The following CFAP47 variants were observed in gnomAD, a reference collection of about 807,000 sequenced individuals.
CFAP47 encodes cilia and flagella associated protein 47.
CFAP47 carries 29 observed loss-of-function variants against 148.1 expected under a neutral mutation model. The ratio of observed to expected loss-of-function variants is 0.20; its 90% CI spans 0.15 to 0.27. The LOEUF (loss-of-function observed/expected upper bound fraction) is 0.27, where lower values mean the gene tolerates loss of function less well. Among genes scored for constraint, CFAP47 ranks in the 10% least tolerant of loss-of-function variants. CFAP47 has a pLI of 1.00. For missense variants in CFAP47, 1,872 were observed against 1,697.5 expected, an observed-to-expected ratio of 1.10 and a Z score of -1.81; for synonymous variants, 664 against 577.3, an observed-to-expected ratio of 1.15 and a Z score of -2.15.
chrX:36,373,524 T>C (rs1051135277), intron 62 of CFAP47, among the ~76,000 whole-genome samples: 2 of 111,116 alleles, frequency 1.8e-5, no homozygotes, highest in African/African-American at 6.5e-5. Flanking sequence ...CAGATAGGGA[T>C]AGATGATAGT....
At chrX:35,952,655 A>C (rs1034963153) in intron 6 of CFAP47, among the ~76,000 whole-genome samples, 7 of 111,832 alleles carry the variant, frequency 6.3e-5, no homozygotes, top group African/African-American at 2.3e-4. Context: ...TGCCTGTTGA[A>C]GATTGAGCTT....
At chrX:36,340,771 A>G (rs1941645249) in intron 57 of CFAP47, among the ~76,000 whole-genome samples, 1 of 111,155 alleles carries the variant, frequency 9.0e-6, no homozygotes, top group African/African-American at 3.3e-5. Context: ...AACAAATTAC[A>G]GGATGCGACT....
At chrX:36,216,266 A>G (rs1489786594) in intron 45 of CFAP47, among the ~76,000 whole-genome samples, 4 of 112,196 alleles carry the variant, frequency 3.6e-5, no homozygotes, top group Non-Finnish European at 7.5e-5. Context: ...TACTAGTTAC[A>G]TTGTCAGTAG....
At chrX:36,310,225 A>G (rs2146962990) in intron 55 of CFAP47, among the ~76,000 whole-genome samples, 1 of 111,294 alleles carries the variant, frequency 9.0e-6, no homozygotes, top group Non-Finnish European at 1.9e-5. Context: ...TTTCAAACAG[A>G]GCTTTACATG....
At position 36,265,556 on chromosome X, in the gene CFAP47, CTTATTAT is replaced by C. The variant is rs1289432649; in HGVS notation, c.7444+14115_7444+14121del. The stretch of plus-strand genomic sequence containing the variant: ...GGCTATAGATTTGTTGTACATGGTT[CTTATTAT>C]TTTGAGGTTTGTTCCTTCGGTAAGT... On this transcript the variant is annotated intron_variant, in intron 49 of 63. Coordinates refer to ENST00000378653, the MANE Select transcript of CFAP47 (RefSeq NM_001304548.2). Among the ~76,000 whole-genome samples, 223 of 111,454 alleles carry C rather than the reference CTTATTAT, an allele frequency of 2.0e-3. 1 individual carries two copies. Among genetic ancestry groups the C allele is most frequent in the African/African-American group, 6.6e-3 (202 of 30,632 alleles).
intron 7 of CFAP47, 120 bp downstream of exon 7, chrX:35,953,839 G>A: frequency 6.0e-6 from 3 of 499,723 alleles, no homozygotes; most frequent in Non-Finnish European, 9.0e-6. Flanking sequence ...AGAAAAAAAA[G>A]CAAACATGTT....
At chrX:36,170,696 T>C (rs1939560408) in intron 39 of CFAP47, among the ~76,000 whole-genome samples, 1 of 107,761 alleles carries the variant, frequency 9.3e-6, no homozygotes, top group African/African-American at 3.4e-5. Context: ...CAGTCTATCA[T>C]TGTTGGACAT....
chrX:35,925,990 A>G, intron 1 of CFAP47, 27 bp from the exon 2 acceptor site: 1 of 1,165,582 alleles, frequency 8.6e-7, no homozygotes, highest in Non-Finnish European at 1.2e-6. Flanking sequence ...TAAAATGTAT[A>G]ATTTGACTCT....
intron 27 of CFAP47, among the ~76,000 whole-genome samples, chrX:36,070,468 G>A (rs979463997): frequency 9.3e-6 from 1 of 107,919 alleles, no homozygotes; most frequent in Non-Finnish European, 1.9e-5. Context: ...AACAGAGTGC[G>A]GGCAAAATTA....
Position 35,969,945 on chromosome X carries a change from G to C in CFAP47, c.1815-823G>C, listed in dbSNP as rs1349765837. On this transcript the variant is annotated intron_variant, in intron 10 of 63. Coordinates refer to ENST00000378653, the MANE Select transcript of CFAP47 (RefSeq NM_001304548.2). Reference sequence around the variant, plus strand: ...TTTTTCATTATACTTTAAGTTCTAGGGTACATGTGCACAACGTGCAGGTTT... The same window carrying C: ...TTTTTCATTATACTTTAAGTTCTAGCGTACATGTGCACAACGTGCAGGTTT... Among the ~76,000 whole-genome samples the C allele has an allele frequency of 9.1e-5, 10 of 109,836 alleles. No homozygotes were observed. In the Admixed American group the frequency reaches 9.8e-4, roughly 11 times the overall value.
chrX:36,227,957 C>T (rs1349120221), intron 45 of CFAP47, among the ~76,000 whole-genome samples: 2 of 111,493 alleles, frequency 1.8e-5, no homozygotes, highest in African/African-American at 6.5e-5. Flanking sequence ...CTCAACCTAG[C>T]GTAAGAAGTA....
At chrX:36,188,394 G>A (rs782762932) in intron 40 of CFAP47, among the ~76,000 whole-genome samples, 1 of 111,482 alleles carries the variant, frequency 9.0e-6, no homozygotes, top group South Asian at 3.7e-4. Flanking sequence ...TTTGAAAAGA[G>A]TGGTGGAAAT....
intron 47 of CFAP47, 65 bp downstream of exon 47, chrX:36,236,142 A>G (rs1439382112): frequency 5.3e-6 from 2 of 378,025 alleles, no homozygotes; most frequent in Admixed American, 5.0e-5. Flanking sequence ...AAACTAATGT[A>G]TGACATTAGT....
intron 22 of CFAP47, among the ~76,000 whole-genome samples, chrX:36,023,096 C>T (rs1021894074): frequency 7.2e-5 from 8 of 111,731 alleles, no homozygotes; most frequent in Admixed American, 3.8e-4. Context: ...ATTGTTTGTA[C>T]GTGTCCTTCT....
Position 36,138,445 on chromosome X carries a change from A to G in CFAP47, c.5516A>G (p.Asp1839Gly). 1 of 1,154,532 alleles carries G rather than the reference A, an allele frequency of 8.7e-7. No individual in the cohort carries two copies. The highest frequency in any genetic ancestry group is 1.1e-6 in the Non-Finnish European group (1 of 873,471). Residue 1839 changes from aspartate to glycine, a missense_variant, in exon 35 of 64, where the codon GAC (aspartate) becomes GGC (glycine). Coordinates refer to ENST00000378653, the MANE Select transcript of CFAP47 (RefSeq NM_001304548.2). The stretch of plus-strand genomic sequence containing the variant: ...ATTGTAAATACTCTTTATGAAATTG[A>G]CTTTGACGTGGAAATACAGGTGGGT... ...LIIVNTLYEI[D>G]FDVEIQATDI...
At chrX:36,241,716 C>T (rs190757664) in intron 48 of CFAP47, among the ~76,000 whole-genome samples, 41 of 112,019 alleles carry the variant, frequency 3.7e-4, no homozygotes, top group African/African-American at 1.3e-3. Flanking sequence ...TCTTAGAGCA[C>T]TGAGAACAGT....
chrX:36,188,643 G>A lies in CFAP47; in HGVS notation c.6128G>A (p.Ser2043Asn), dbSNP rs1939832824. 6 of 295,754 alleles carry A rather than the reference G, an allele frequency of 2.0e-5. No individual in the cohort carries two copies. The highest frequency in any genetic ancestry group is 3.5e-5 in the Non-Finnish European group (6 of 169,917). 24.4% of individuals were successfully genotyped at this position (295,754 alleles called of 1,213,427 possible). Reference sequence around the variant, plus strand: ...AGTGATGATATGAGTAGCAGTGGGAGTGACACTGATCAGGGCTGTTCCGAT... The same window carrying A: ...AGTGATGATATGAGTAGCAGTGGGAATGACACTGATCAGGGCTGTTCCGAT... ...KHDDDMSSSG[S>N]DTDQGCSDSP... is the part of the protein sequence containing the mutation. Residue 2043 changes from serine (S) to asparagine (N), a missense_variant, in exon 41 of 64, where the codon AGT becomes AAT. Coordinates refer to ENST00000378653, the MANE Select transcript of CFAP47 (RefSeq NM_001304548.2).
At chrX:36,086,720 G>T (rs1007122451) in intron 30 of CFAP47, among the ~76,000 whole-genome samples, 5 of 111,389 alleles carry the variant, frequency 4.5e-5, no homozygotes, top group African/African-American at 1.6e-4. Context: ...GACTGGCTTG[G>T]TTCCTTGTGG....
chrX:36,380,359 C>T (rs1347924948), intron 63 of CFAP47, among the ~76,000 whole-genome samples: 1 of 113,035 alleles, frequency 8.8e-6, no homozygotes, highest in African/African-American at 3.2e-5. Flanking sequence ...TTCTTTTCAT[C>T]TTTCTAAGAG....
Sources: allele counts gnomAD v4.1 joint callset (sites outside exome capture counted in the v4.1 genomes callset), GRCh38; gene constraint gnomAD v4.1.1; transcripts MANE v1.5; gene names NCBI Gene and HGNC (gene_info 2026-07-23, HGNC 2026-07-21).